Variants in AP2S1 observed in about 807,000 individuals in gnomAD.
AP2S1 encodes adaptor related protein complex 2 subunit sigma 1.
A neutral mutation model predicts 21.0 loss-of-function variants in AP2S1; 6 were observed. The ratio of observed to expected loss-of-function variants is 0.29; its 90% CI spans 0.16 to 0.56. The LOEUF (loss-of-function observed/expected upper bound fraction) is 0.56, where lower values mean the gene tolerates loss of function less well. AP2S1 is among the 20% of genes least tolerant of loss of function. The probability of loss-of-function intolerance (pLI) is 0.92; values close to 1 mark genes in which losing one functional copy is unlikely to be tolerated. For synonymous variants in AP2S1, 63 were observed against 74.6 expected (o/e 0.84, Z 0.80); for missense variants, 60 against 186.2 (o/e 0.32, Z 3.95).
intron 2 of AP2S1, among the ~76,000 whole-genome samples, chr19:46,843,501 C>T (rs192561229): frequency 6.6e-6 from 1 of 152,064 alleles, no homozygotes; most frequent in Admixed American, 6.6e-5. Flanking sequence ...GTGGGCGGAT[C>T]GCTGGAGCTC....
intron 2 of AP2S1, among the ~76,000 whole-genome samples, chr19:46,842,151 G>C (rs1458644452): frequency 6.6e-6 from 1 of 151,988 alleles, no homozygotes; most frequent in Non-Finnish European, 1.5e-5. Flanking sequence ...ACTGCACTCC[G>C]GCCTGGGGCA....
rs1427558825 is a variant in AP2S1 at position 46,846,073 on chromosome 19, C to A, written c.73G>T (p.Asp25Tyr). Residue 25 changes from aspartate (D) to tyrosine (Y), a missense_variant, in exon 2 of 5, where the codon GAT becomes TAT. Asp to Tyr is a radical substitution (Grantham distance 160, BLOSUM62 -3). Transcript: ENST00000263270. ...RLAKWYMQFD[D>Y]DEKQKLIEEV... is the part of the protein sequence containing the mutation. Reference sequence around the variant, plus strand: ...TCGATCAGCTTCTGTTTCTCATCATCATCAAACTGCATGTACCACTTGGCC... The same window carrying A: ...TCGATCAGCTTCTGTTTCTCATCATAATCAAACTGCATGTACCACTTGGCC... 6.2e-7 allele frequency: 1 copy of A among 1,614,144 alleles called. No homozygotes were observed. The highest frequency in any genetic ancestry group is 8.5e-7 in the Non-Finnish European group (1 of 1,180,032).
chr19:46,850,625 T>C, intron 1 of AP2S1, 139 bp downstream of exon 1: 1 of 801,392 alleles, frequency 1.2e-6, no homozygotes, highest in Non-Finnish European at 2.0e-6. Context: ...CGGCCCTGGA[T>C]CGGTCCCAAT....
At chr19:46,839,703 C>G in intron 2 of AP2S1, 125 bp from the exon 3 acceptor site, 7 of 1,489,490 alleles carry the variant, frequency 4.7e-6, no homozygotes, top group Non-Finnish European at 6.3e-6. Context: ...GTGCCTGGCC[C>G]TGTGCTGGGG....
chr19:46,838,271 C>T lies in AP2S1; in HGVS notation c.*176G>A, dbSNP rs1334471906. ...GGACACACACGGTGGCCTCTGCCCA[C>T]AGCCAGGGCCCAGAGGCAGTGGGGT... On this transcript the variant is annotated 3_prime_UTR_variant, in exon 5 of 5. Transcript: ENST00000263270. The surrounding 1 kb of genome is among the most constrained non-coding windows in gnomAD (Gnocchi z 4.1). 3.2e-6 allele frequency: 2 copies of T among 620,166 alleles called. No individual in the cohort carries two copies. Among genetic ancestry groups the T allele is most frequent in the South Asian group, 1.9e-5 (1 of 51,886 alleles). The allele number at this position is 620,166 out of a possible 1,614,324, so 38.4% of individuals were successfully genotyped here.
rs1244143500 is a variant in AP2S1 at position 46,845,984 on chromosome 19, G to A, written c.153+9C>T. On this transcript the variant is annotated intron_variant, in intron 2 of 4. Transcript: ENST00000263270. ...CAGCGGGGTGCAGGAGGCATGGAGC[G>A]GGCGTCACCTCCACAAAGTTGGTGT... 13 of 1,613,888 alleles carry A rather than the reference G, an allele frequency of 8.1e-6. No individual in the cohort carries two copies. The highest frequency in any genetic ancestry group is 1.6e-4 in the Middle Eastern group (1 of 6,084).
chr19:46,838,894 A>G lies in AP2S1; in HGVS notation c.268-95T>C, dbSNP rs1486918379. 1.7e-6 allele frequency: 2 copies of G among 1,161,880 alleles called. No individual in the cohort carries two copies. Among genetic ancestry groups the G allele is most frequent in the Non-Finnish European group, 1.3e-6 (1 of 787,846 alleles). The allele number at this position is 1,161,880 out of a possible 1,614,324, so 72.0% of individuals were successfully genotyped here. On this transcript the variant is annotated intron_variant, in intron 3 of 4. Coordinates refer to ENST00000263270, the MANE Select transcript of AP2S1 (RefSeq NM_004069.6). The surrounding 1 kb of genome is among the most constrained non-coding windows in gnomAD (Gnocchi z 4.1). ...AAGGTCATCAGAAAGAGACAGCAAA[A>G]AAAGAGACCAAGGGGGAGGCAGGGG...
intron 2 of AP2S1, among the ~76,000 whole-genome samples, chr19:46,843,221 G>A (rs1002767462): frequency 6.6e-6 from 1 of 151,996 alleles, no homozygotes; most frequent in Non-Finnish European, 1.5e-5. Flanking sequence ...CCTCCAAAAC[G>A]CTCCTGGCCA....
Position 46,838,359 on chromosome 19 carries a change from G to T in AP2S1, c.*88C>A. On this transcript the variant is annotated 3_prime_UTR_variant, in exon 5 of 5. Coordinates refer to ENST00000263270, the MANE Select transcript of AP2S1 (RefSeq NM_004069.6). This position sits in a 1 kb window ranked among gnomAD's most constrained non-coding sequence, Gnocchi z 4.1. ...CCTTCCTCCTAGGCAGCTGAGGGAAGGACTGCTGGGTTGGCCACGGGCCTG... is the reference window on the plus strand; with the variant it reads ...CCTTCCTCCTAGGCAGCTGAGGGAATGACTGCTGGGTTGGCCACGGGCCTG... The T allele has an allele frequency of 7.7e-7, 1 of 1,299,782 alleles. No homozygotes were observed. Among genetic ancestry groups the T allele is most frequent in the East Asian group, 2.4e-5 (1 of 41,686 alleles). The allele number at this position is 1,299,782 out of a possible 1,614,324, so 80.5% of individuals were successfully genotyped here.
At chr19:46,848,894 G>C (rs960772984) in intron 1 of AP2S1, among the ~76,000 whole-genome samples, 1 of 151,662 alleles carries the variant, frequency 6.6e-6, no homozygotes, top group Admixed American at 6.6e-5. Flanking sequence ...TGTATTTTTA[G>C]TAGAGACAGG....
At chr19:46,845,885 G>C in intron 2 of AP2S1, 108 bp downstream of exon 2, 3 of 1,437,224 alleles carry the variant, frequency 2.1e-6, no homozygotes, top group Non-Finnish European at 2.9e-6. Flanking sequence ...GAATGATATA[G>C]GATGGATAGA....
Position 46,849,702 on chromosome 19 carries a change from CCT to C in AP2S1, c.3+1060_3+1061del, listed in dbSNP as rs756626327. 6.6e-4 allele frequency among the ~76,000 whole-genome samples: 101 copies of C among 152,224 alleles called. 3 individuals are homozygous for C. Among genetic ancestry groups the C allele is most frequent in the Middle Eastern group, 6.8e-3 (2 of 294 alleles). On this transcript the variant is annotated intron_variant, in intron 1 of 4. Coordinates refer to ENST00000263270, the MANE Select transcript of AP2S1 (RefSeq NM_004069.6). Reference sequence around the variant, plus strand: ...CCCCTCTAGATGCCCCCCAACCTTCCCTGTCTCCAATCCCCCTCCTCTGGAGT... The same window carrying C: ...CCCCTCTAGATGCCCCCCAACCTTCCGTCTCCAATCCCCCTCCTCTGGAGT...
At chr19:46,848,336 C>T (rs545151686) in intron 1 of AP2S1, among the ~76,000 whole-genome samples, 21 of 152,202 alleles carry the variant, frequency 1.4e-4, no homozygotes, top group African/African-American at 5.1e-4. Flanking sequence ...GCTGACATTG[C>T]ACCATTGCTC....
chr19:46,839,286 CAAAAAAA>C (rs771792607), intron 3 of AP2S1, among the ~76,000 whole-genome samples, 172 bp downstream of exon 3: 139 of 72,910 alleles, frequency 1.9e-3, no homozygotes, highest in South Asian at 8.5e-3. Flanking sequence ...GACTCCGTCT[CAAAAAAA>C]AAAAAAAAAA....
intron 1 of AP2S1, among the ~76,000 whole-genome samples, chr19:46,848,354 TG>T (rs1380379682): frequency 4.6e-5 from 7 of 152,286 alleles, no homozygotes; most frequent in Non-Finnish European, 8.8e-5. Flanking sequence ...CTCTCCAGCC[TG>T]GGTGACAGAG....
Position 46,838,344 on chromosome 19 carries a change from A to T in AP2S1, c.*103T>A. 1 of 1,121,568 alleles carries T rather than the reference A, an allele frequency of 8.9e-7. No homozygotes were observed. The highest frequency in any genetic ancestry group is 1.3e-6 in the Non-Finnish European group (1 of 756,804). The allele number at this position is 1,121,568 out of a possible 1,614,324, so 69.5% of individuals were successfully genotyped here. A position where few individuals can be genotyped will look rare whatever the true frequency, so the allele number is the denominator to read the frequency against. ...AGACCCAGCTGGGTCCCTTCCTCCT[A>T]GGCAGCTGAGGGAAGGACTGCTGGG... On this transcript the variant is annotated 3_prime_UTR_variant, in exon 5 of 5. Transcript: ENST00000263270. The surrounding 1 kb of genome is among the most constrained non-coding windows in gnomAD (Gnocchi z 4.1).
Position 46,844,671 on chromosome 19 carries a change from A to C in AP2S1, c.153+1322T>G, listed in dbSNP as rs532564620. On this transcript the variant is annotated intron_variant, in intron 2 of 4. Transcript: ENST00000263270. The stretch of plus-strand genomic sequence containing the variant: ...ATATTAGCTGGGCTTGGTAGTGCAC[A>C]AGCCTGTAGTCCCAGCTACTCAGGA... Among the ~76,000 whole-genome samples, 227 of 152,178 alleles carry C rather than the reference A, an allele frequency of 1.5e-3. 1 individual carries two copies. The highest frequency in any genetic ancestry group is 5.2e-3 in the African/African-American group (215 of 41,532).
chr19:46,841,111 G>A (rs1012169712), intron 2 of AP2S1, among the ~76,000 whole-genome samples: 1 of 151,860 alleles, frequency 6.6e-6, no homozygotes, highest in Non-Finnish European at 1.5e-5. Flanking sequence ...GCACCACCAC[G>A]CCTGGCTAAT....
At chr19:46,841,525 G>A (rs571398174) in intron 2 of AP2S1, among the ~76,000 whole-genome samples, 1 of 152,130 alleles carries the variant, frequency 6.6e-6, no homozygotes, top group South Asian at 2.1e-4. Context: ...TGTCCCCTCT[G>A]AACATCCCAC....
Sources: allele counts gnomAD v4.1 joint callset (sites outside exome capture counted in the v4.1 genomes callset), GRCh38; gene constraint gnomAD v4.1.1; non-coding constraint Gnocchi (gnomAD v3.1); transcripts MANE v1.5; gene names NCBI Gene and HGNC (gene_info 2026-07-23, HGNC 2026-07-21).